Variants in ZPLD1 observed in about 807,000 individuals in gnomAD.
ZPLD1 encodes zona pellucida-like domain-containing protein 1.
Under a neutral mutation model 47.2 loss-of-function variants are expected in ZPLD1, and 34 were observed. The observed-to-expected ratio is 0.72, with a 90% CI of 0.55 to 0.96. The LOEUF (loss-of-function observed/expected upper bound fraction) is 0.96. ZPLD1 is among the 40% of genes least tolerant of loss of function. ZPLD1 has a pLI of 0.00. For synonymous variants in ZPLD1, 176 were observed against 186.2 expected, an observed-to-expected ratio of 0.95 and a Z score of 0.45; for missense variants, 512 against 505.8, an observed-to-expected ratio of 1.01 and a Z score of -0.12.
chr3:102,427,236 A>G (rs1706959305), intron 8 of ZPLD1, among the ~76,000 whole-genome samples: 1 of 152,200 alleles, frequency 6.6e-6, no homozygotes, highest in Non-Finnish European at 1.5e-5. Context: ...ATAAAAGTAT[A>G]CCACCAATAG....
chr3:102,450,539 G>A lies in ZPLD1; in HGVS notation c.107-2380G>A, dbSNP rs115494733. Among the ~76,000 whole-genome samples the A allele has an allele frequency of 9.0e-3, 1,369 of 152,234 alleles. 18 individuals are homozygous for A. Among genetic ancestry groups the A allele is most frequent in the African/African-American group, 0.03 (1,260 of 41,548 alleles). On this transcript the variant is annotated intron_variant, in intron 3 of 11. Transcript: ENST00000466937. ...AGAGAGAGAGGGAGGAGCATGCAGAGGTAGGCAGGTAACAGATTATGGAGA... is the reference window on the plus strand; with the variant it reads ...AGAGAGAGAGGGAGGAGCATGCAGAAGTAGGCAGGTAACAGATTATGGAGA...
intron 7 of ZPLD1, among the ~76,000 whole-genome samples, chr3:102,404,884 G>A (rs938282508): frequency 6.6e-6 from 1 of 151,876 alleles, no homozygotes; most frequent in African/African-American, 2.4e-5. Context: ...ACAAGGTTAC[G>A]TATTATATAA....
intron 6 of ZPLD1, among the ~76,000 whole-genome samples, chr3:102,391,654 T>C (rs2107284549): frequency 6.6e-6 from 1 of 152,168 alleles, no homozygotes; most frequent in African/African-American, 2.4e-5. Flanking sequence ...TCTGGGAAGT[T>C]GATTTCCAGC....
intron 1 of ZPLD1, among the ~76,000 whole-genome samples, chr3:102,436,497 G>T (rs977178205): frequency 6.6e-6 from 1 of 152,090 alleles, no homozygotes; most frequent in Non-Finnish European, 1.5e-5. Context: ...ATGATAAATG[G>T]CAATAAAGAA....
chr3:102,471,135 C>T (rs111565931), intron 10 of ZPLD1, among the ~76,000 whole-genome samples: 4,371 of 152,254 alleles, frequency 0.029, 85 homozygotes, highest in Non-Finnish European at 0.043. Context: ...GCCCTGCTGT[C>T]GCCCATGACT....
chr3:102,445,716 T>C (rs536165405), intron 3 of ZPLD1, among the ~76,000 whole-genome samples: 4 of 152,334 alleles, frequency 2.6e-5, no homozygotes, highest in Admixed American at 2.6e-4. Context: ...AGCTTTATGT[T>C]GTTACAAAAC....
chr3:102,399,238 G>A (rs1368362028), intron 7 of ZPLD1, among the ~76,000 whole-genome samples: 1 of 152,038 alleles, frequency 6.6e-6, no homozygotes, highest in Non-Finnish European at 1.5e-5. Flanking sequence ...GATAAACCAT[G>A]TATCTGCTTA....
Position 102,417,256 on chromosome 3 carries a change from G to T in ZPLD1, c.-156-804G>T, listed in dbSNP as rs141548819. 2.3e-3 allele frequency among the ~76,000 whole-genome samples: 345 copies of T among 152,036 alleles called. 1 individual carries two copies. Among genetic ancestry groups the T allele is most frequent in the African/African-American group, 8.0e-3 (333 of 41,518 alleles). On this transcript the variant is annotated intron_variant, in intron 7 of 17. Transcript: ENST00000491959. ...GGAGTAATATAAATCAATACAAAAG[G>T]CTTCAATCTTCCACACAGTTATCCC...
chr3:102,391,929 G>C (rs913771521), intron 6 of ZPLD1, among the ~76,000 whole-genome samples: 2 of 151,916 alleles, frequency 1.3e-5, no homozygotes, highest in Non-Finnish European at 2.9e-5. Context: ...CTGCTTTTTC[G>C]AGCTCATAGC....
chr3:102,472,316 G>A (rs1707697862), intron 10 of ZPLD1, among the ~76,000 whole-genome samples: 1 of 152,124 alleles, frequency 6.6e-6, no homozygotes, highest in Admixed American at 6.5e-5. Flanking sequence ...TGGATAACCT[G>A]AGGTCAGGAG....
At chr3:102,417,395 CTCT>C (rs1553709150) in intron 7 of ZPLD1, among the ~76,000 whole-genome samples, 1 of 151,982 alleles carries the variant, frequency 6.6e-6, no homozygotes, top group Non-Finnish European at 1.5e-5. Flanking sequence ...CAGGTTCCCA[CTCT>C]TCTTTCCAAA....
chr3:102,392,186 G>A (rs969183750), exon 7 of ZPLD1: 4 of 152,100 alleles, frequency 2.6e-5, no homozygotes, highest in African/African-American at 7.2e-5. Flanking sequence ...AGTATAAACC[G>A]ATGCAACTGG....
At chr3:102,457,926 T>C (rs889158319) in intron 6 of ZPLD1, 73 bp downstream of exon 6, 2 of 1,440,366 alleles carry the variant, frequency 1.4e-6, no homozygotes, top group East Asian at 4.6e-5. Flanking sequence ...ATGGCTTTTA[T>C]ATAAAAATCT....
chr3:102,431,442 T>C (rs1220376938), upstream of ZPLD1, among the ~76,000 whole-genome samples: 1 of 152,220 alleles, frequency 6.6e-6, no homozygotes, highest in Non-Finnish European at 1.5e-5. Flanking sequence ...TATATGTACA[T>C]AATAATGAAT....
intron 10 of ZPLD1, among the ~76,000 whole-genome samples, chr3:102,470,725 TACACAC>T (rs149917091): frequency 3.0e-4 from 45 of 148,874 alleles, no homozygotes; most frequent in South Asian, 6.4e-4. Flanking sequence ...CACACACACA[TACACAC>T]ACACACACAC....
intron 6 of ZPLD1, among the ~76,000 whole-genome samples, chr3:102,391,482 A>T (rs1475171964): frequency 1.3e-5 from 2 of 152,074 alleles, no homozygotes; most frequent in Admixed American, 1.3e-4. Flanking sequence ...GTGATTTCTG[A>T]ATCTCGGTAT....
At chr3:102,415,598 T>C (rs1706796371) in intron 7 of ZPLD1, among the ~76,000 whole-genome samples, 1 of 151,848 alleles carries the variant, frequency 6.6e-6, no homozygotes, top group African/African-American at 2.4e-5. Context: ...AGCTAAAACT[T>C]TGCTTTAAAG....
chr3:102,385,879 A>G (rs1331124012), intron 6 of ZPLD1, among the ~76,000 whole-genome samples: 2 of 152,240 alleles, frequency 1.3e-5, no homozygotes, highest in Non-Finnish European at 2.9e-5. Flanking sequence ...ACAGGGCAAT[A>G]GCTACAAGCA....
intron 1 of ZPLD1, 42 bp downstream of exon 1, chr3:102,435,196 A>G (rs762345954): frequency 8.1e-6 from 13 of 1,608,104 alleles, no homozygotes; most frequent in Non-Finnish European, 1.0e-5. Context: ...ATAGTTCATC[A>G]GTTTGTTTTA....
Sources: allele counts gnomAD v4.1 joint callset (sites outside exome capture counted in the v4.1 genomes callset), GRCh38; gene constraint gnomAD v4.1.1; transcripts MANE v1.5; gene names NCBI Gene and HGNC (gene_info 2026-07-23, HGNC 2026-07-21).